Variants in GPATCH8 observed in about 807,000 individuals in gnomAD.
GPATCH8 encodes G patch domain-containing protein 8.
GPATCH8 carries 18 observed loss-of-function variants against 118.3 expected under a neutral mutation model. The ratio of observed to expected loss-of-function variants is 0.15; its 90% CI spans 0.11 to 0.23. The LOEUF (loss-of-function observed/expected upper bound fraction) is 0.23, where lower values mean the gene tolerates loss of function less well. GPATCH8 is among the 10% of genes least tolerant of loss of function. The probability of loss-of-function intolerance (pLI) is 1.00; values close to 1 mark genes in which losing one functional copy is unlikely to be tolerated. For synonymous variants in GPATCH8, 659 were observed against 684.7 expected (o/e 0.96, Z 0.59); for missense variants, 1,631 against 1,873.8 (o/e 0.87, Z 2.39).
chr17:44,462,929 C>T (rs569770302), intron 3 of GPATCH8, among the ~76,000 whole-genome samples: 1 of 152,014 alleles, frequency 6.6e-6, no homozygotes, highest in African/African-American at 2.4e-5. Context: ...GGCAATGAGC[C>T]GAGATCGCGC....
At position 44,396,796 on chromosome 17, in the gene GPATCH8, A is replaced by G. The variant is rs1405855352; in HGVS notation, c.*772T>C. On this transcript the variant is annotated 3_prime_UTR_variant, in exon 8 of 8. Coordinates refer to ENST00000591680, the MANE Select transcript of GPATCH8 (RefSeq NM_001002909.4). ...TTACATTAAAAAAATCCTATAAATTAAGAAGGAAACATCAACACAACAGAA... is the reference window on the plus strand; with the variant it reads ...TTACATTAAAAAAATCCTATAAATTGAGAAGGAAACATCAACACAACAGAA... 4 of 454,272 alleles carry G rather than the reference A, an allele frequency of 8.8e-6. No homozygotes were observed. Among genetic ancestry groups the G allele is most frequent in the Non-Finnish European group, 1.3e-5 (3 of 226,782 alleles). The allele number at this position is 454,272 out of a possible 1,614,324, so 28.1% of individuals were successfully genotyped here. A position where few individuals can be genotyped will look rare whatever the true frequency, so the allele number is the denominator to read the frequency against.
chr17:44,405,167 AGTT>A (rs1473848918), intron 7 of GPATCH8, among the ~76,000 whole-genome samples: 4 of 152,016 alleles, frequency 2.6e-5, no homozygotes, highest in Admixed American at 6.6e-5. Flanking sequence ...GAATATGTAC[AGTT>A]GTTATCTGTC....
At chr17:44,487,922 CTTT>C (rs1243028763) in intron 1 of GPATCH8, among the ~76,000 whole-genome samples, 6 of 135,934 alleles carry the variant, frequency 4.4e-5, no homozygotes, top group African/African-American at 5.5e-5. Flanking sequence ...AACCAATTAG[CTTT>C]TTTTTTTTTT....
chr17:44,436,688 A>G (rs2050525356), intron 3 of GPATCH8, 143 bp from the exon 4 acceptor site: 2 of 704,688 alleles, frequency 2.8e-6, no homozygotes, highest in Non-Finnish European at 5.3e-6. Flanking sequence ...AGCCATTCTC[A>G]CAGCTTACAC....
At chr17:44,474,563 C>A in intron 2 of GPATCH8, 1 of 520,594 alleles carries the variant, frequency 1.9e-6, no homozygotes, top group East Asian at 3.7e-5. Context: ...TAACTTGCTA[C>A]CTTCAACAAA....
chr17:44,453,468 C>G (rs2051192745), intron 3 of GPATCH8, among the ~76,000 whole-genome samples: 1 of 122,986 alleles, frequency 8.1e-6, no homozygotes, highest in African/African-American at 3.0e-5. Context: ...TCCCATTTCT[C>G]CCTTCTAGTT....
chr17:44,498,843 T>C (rs1969857607), intron 1 of GPATCH8, among the ~76,000 whole-genome samples: 1 of 152,230 alleles, frequency 6.6e-6, no homozygotes, highest in Admixed American at 6.5e-5. Context: ...ATGCCAACTA[T>C]ATTACATACA....
chr17:44,503,059 C>A lies in GPATCH8; in HGVS notation c.45+267G>T, dbSNP rs115989049. Among the ~76,000 whole-genome samples, 591 of 152,316 alleles carry A rather than the reference C, an allele frequency of 3.9e-3. 1 individual carries two copies. The highest frequency in any genetic ancestry group is 0.014 in the African/African-American group (568 of 41,576). On this transcript the variant is annotated intron_variant, in intron 1 of 7. Coordinates refer to ENST00000591680, the MANE Select transcript of GPATCH8 (RefSeq NM_001002909.4). Reference sequence around the variant, plus strand: ...GGAGGGCACAGCCCCTCACACGGCGCTCAGGCCCGGTTCCGAAATCCGATG... The same window carrying A: ...GGAGGGCACAGCCCCTCACACGGCGATCAGGCCCGGTTCCGAAATCCGATG...
intron 2 of GPATCH8, among the ~76,000 whole-genome samples, chr17:44,466,691 C>T (rs1286668926): frequency 6.6e-6 from 1 of 151,966 alleles, no homozygotes; most frequent in East Asian, 1.9e-4. Flanking sequence ...GTAAACAGGC[C>T]CTTATTTTAC....
intron 6 of GPATCH8, among the ~76,000 whole-genome samples, chr17:44,414,133 ATATATATATGTG>A (rs2049580039): frequency 9.9e-5 from 3 of 30,440 alleles, no homozygotes; most frequent in East Asian, 6.2e-4. Context: ...ATATGTGTAT[ATATATATATGTG>A]TATATATATA....
chr17:44,501,360 T>C (rs755048308), intron 1 of GPATCH8, among the ~76,000 whole-genome samples: 1 of 151,212 alleles, frequency 6.6e-6, no homozygotes, highest in Non-Finnish European at 1.5e-5. Flanking sequence ...GAGGTTGCAG[T>C]GAGCCGAGAT....
At chr17:44,429,257 A>G (rs2050204390) in intron 5 of GPATCH8, among the ~76,000 whole-genome samples, 1 of 152,226 alleles carries the variant, frequency 6.6e-6, no homozygotes, top group Admixed American at 6.5e-5. Flanking sequence ...AATACAGCTA[A>G]GAATTAACAA....
rs550971153 is a variant in GPATCH8 at position 44,397,303 on chromosome 17, G to A, written c.*265C>T. ...TTTGGAGATGTTGCTGCAGAGGGGT[G>A]GGTAGCACTTACTGGTGTTCCCTAG... On this transcript the variant is annotated 3_prime_UTR_variant, in exon 8 of 8. Transcript: ENST00000591680. 3 of 637,598 alleles carry A rather than the reference G, an allele frequency of 4.7e-6. No homozygotes were observed. Among genetic ancestry groups the A allele is most frequent in the East Asian group, 3.2e-5 (1 of 31,286 alleles). The allele number at this position is 637,598 out of a possible 1,614,324, so 39.5% of individuals were successfully genotyped here. A position where few individuals can be genotyped will look rare whatever the true frequency, so the allele number is the denominator to read the frequency against.
At chr17:44,467,796 A>G (rs1434100778) in intron 2 of GPATCH8, among the ~76,000 whole-genome samples, 1 of 152,160 alleles carries the variant, frequency 6.6e-6, no homozygotes, top group African/African-American at 2.4e-5. Flanking sequence ...CAAAAATCCA[A>G]TAGGCTTAAG....
At chr17:44,493,058 T>TTTTTTTTTG (rs1568071251) in intron 1 of GPATCH8, among the ~76,000 whole-genome samples, 1 of 148,762 alleles carries the variant, frequency 6.7e-6, no homozygotes, top group African/African-American at 2.5e-5. Flanking sequence ...CATTAGGTTT[T>TTTTTTTTTG]TTTTTTTTTT....
chr17:44,453,488 TAG>T (rs1225077087), intron 3 of GPATCH8, among the ~76,000 whole-genome samples: 3 of 129,006 alleles, frequency 2.3e-5, no homozygotes, highest in Non-Finnish European at 5.1e-5. Flanking sequence ...TGTAGGTAGG[TAG>T]GTAGGTAGGG....
Position 44,397,798 on chromosome 17 carries a change from GGAT to G in GPATCH8, c.4276_4278del (p.Ile1426del). On this transcript the variant is annotated inframe_deletion, in exon 8 of 8. Transcript: ENST00000591680. ...GCGAGAAAGGTGGCAGGGTGGCCAG[GGAT>G]GATTGAGTGAGTGAGGTGGGACAAA... The G allele has an allele frequency of 6.3e-7, 1 of 1,585,722 alleles. No individual in the cohort carries two copies. The highest frequency in any genetic ancestry group is 8.6e-7 in the Non-Finnish European group (1 of 1,163,560).
intron 3 of GPATCH8, among the ~76,000 whole-genome samples, chr17:44,460,662 T>C (rs553487279): frequency 6.6e-6 from 1 of 152,322 alleles, no homozygotes; most frequent in South Asian, 2.1e-4. Context: ...ATGTGAGATA[T>C]GTTAAGAGTC....
At chr17:44,457,357 ATC>A (rs1055102833) in intron 3 of GPATCH8, among the ~76,000 whole-genome samples, 6 of 152,196 alleles carry the variant, frequency 3.9e-5, no homozygotes, top group African/African-American at 1.4e-4. Flanking sequence ...GAGAATGTTC[ATC>A]TCTCTCAACA....
Sources: allele counts gnomAD v4.1 joint callset (sites outside exome capture counted in the v4.1 genomes callset), GRCh38; gene constraint gnomAD v4.1.1; transcripts MANE v1.5; gene names NCBI Gene and HGNC (gene_info 2026-07-23, HGNC 2026-07-21).